DRGX: variants seen among roughly 807,000 people sequenced by gnomAD.
The protein encoded by DRGX is dorsal root ganglia homeobox.
A neutral mutation model predicts 28.6 loss-of-function variants in DRGX; 21 were observed. The ratio of observed to expected loss-of-function variants is 0.73; its 90% CI spans 0.52 to 1.06. DRGX has a LOEUF of 1.06. Among genes scored for constraint, DRGX ranks in the 50% least tolerant of loss-of-function variants. The pLI is 0.00. For missense variants in DRGX, 354 were observed against 343.9 expected, an observed-to-expected ratio of 1.03 and a Z score of -0.23; for synonymous variants, 136 against 139.1, an observed-to-expected ratio of 0.98 and a Z score of 0.16.
chr10:49,368,436 C>T (rs1849621668), intron 6 of DRGX, among the ~76,000 whole-genome samples: 3 of 152,264 alleles, frequency 2.0e-5, no homozygotes, highest in Admixed American at 2.0e-4. Flanking sequence ...CGCTGGCCTC[C>T]AGCCTGTCAT....
chr10:49,385,661 T>C (rs1178421789), intron 6 of DRGX, among the ~76,000 whole-genome samples: 2 of 151,862 alleles, frequency 1.3e-5, no homozygotes, highest in Non-Finnish European at 2.9e-5. Flanking sequence ...TAGCAGAACA[T>C]GCAGGGGACA....
At position 49,366,468 on chromosome 10, in the gene DRGX, G is replaced by A. The variant is rs372695489; in HGVS notation, c.527-87C>T. 2.9e-5 allele frequency: 43 copies of A among 1,500,906 alleles called. No individual in the cohort carries two copies. The South Asian group carries it at 5.3e-4, about 18-fold the overall frequency. 93.0% of individuals were successfully genotyped at this position (1,500,906 alleles called of 1,614,324 possible). A position where few individuals can be genotyped will look rare whatever the true frequency, so the allele number is the denominator to read the frequency against. On this transcript the variant is annotated intron_variant, in intron 6 of 6. Coordinates refer to ENST00000374139, the MANE Select transcript of DRGX (RefSeq NM_001276451.2). Reference sequence around the variant, plus strand: ...GACAGGAAACGATCTGAGTTCTGAAGGACAGAAAGATTGATTCCCTCTGGT... The same window carrying A: ...GACAGGAAACGATCTGAGTTCTGAAAGACAGAAAGATTGATTCCCTCTGGT...
intron 2 of DRGX, among the ~76,000 whole-genome samples, chr10:49,392,202 C>A (rs1849913978): frequency 6.6e-6 from 1 of 152,244 alleles, no homozygotes; most frequent in Non-Finnish European, 1.5e-5. Context: ...CTGCCATGGG[C>A]TCTGTTCTCA....
intron 6 of DRGX, among the ~76,000 whole-genome samples, chr10:49,381,688 G>A (rs1237183700): frequency 2.0e-5 from 3 of 152,222 alleles, no homozygotes; most frequent in Non-Finnish European, 2.9e-5. Flanking sequence ...TTGCCCTGGG[G>A]CATTGGGAAC....
rs142019370 is a variant in DRGX at position 49,390,087 on chromosome 10, G to T, written c.234+46C>A. 1.4e-4 allele frequency: 222 copies of T among 1,534,292 alleles called. No individual in the cohort carries two copies. In the African/African-American group the frequency reaches 2.9e-3, roughly 20 times the overall value. On this transcript the variant is annotated intron_variant, in intron 4 of 6. Transcript: ENST00000374139. ...CAGTCATGATGTCAAAAAAAAGTTT[G>T]CCAGTTTTAATATTAGAGAGTTAAA...
intron 6 of DRGX, among the ~76,000 whole-genome samples, chr10:49,380,518 C>T (rs996583004): frequency 1.3e-5 from 2 of 152,212 alleles, no homozygotes; most frequent in Admixed American, 6.5e-5. Context: ...TCATGTTAGT[C>T]CTCCCTGCAC....
At chr10:49,373,396 T>C (rs1692050931) in intron 6 of DRGX, among the ~76,000 whole-genome samples, 1 of 152,226 alleles carries the variant, frequency 6.6e-6, no homozygotes, top group African/African-American at 2.4e-5. Context: ...TTTTGGAATA[T>C]ATATGCGTGT....
chr10:49,380,725 A>G (rs908492256), intron 6 of DRGX, among the ~76,000 whole-genome samples: 7 of 152,234 alleles, frequency 4.6e-5, no homozygotes, highest in African/African-American at 1.4e-4. Context: ...GATTACAAGG[A>G]AAAGGTAAAT....
rs1324178053 is a variant in DRGX at position 49,386,677 on chromosome 10, C to T, written c.413+3G>A. ...CACCGGGCCCAGAGACCCACAGCCT[C>T]ACCTCTGCTGGGCCTCCAGCGCCTC... On this transcript the variant is annotated splice_donor_region_variant and intron_variant, in intron 5 of 6. Transcript: ENST00000374139. The T allele has an allele frequency of 1.9e-6, 3 of 1,575,746 alleles. No individual in the cohort carries two copies. Among genetic ancestry groups the T allele is most frequent in the Non-Finnish European group, 8.6e-7 (1 of 1,161,438 alleles).
intron 6 of DRGX, among the ~76,000 whole-genome samples, chr10:49,383,963 A>G (rs1235843869): frequency 6.6e-6 from 1 of 152,270 alleles, no homozygotes; most frequent in African/African-American, 2.4e-5. Context: ...GCTACTCTGG[A>G]AAATGCAGCA....
intron 3 of DRGX, 134 bp from the exon 4 acceptor site, chr10:49,390,368 G>A: frequency 1.3e-6 from 1 of 756,898 alleles, no homozygotes; most frequent in Non-Finnish European, 2.1e-6. Flanking sequence ...AGGGAGAAGA[G>A]AGCTCTTTGG....
chr10:49,395,390 G>A lies in DRGX; in HGVS notation c.34+17C>T. 6.5e-7 allele frequency: 1 copy of A among 1,550,016 alleles called. No homozygotes were observed. The highest frequency in any genetic ancestry group is 2.4e-5 in the East Asian group (1 of 40,902). On this transcript the variant is annotated intron_variant, in intron 2 of 6. Coordinates refer to ENST00000374139, the MANE Select transcript of DRGX (RefSeq NM_001276451.2). The stretch of plus-strand genomic sequence containing the variant: ...GCTCTGGCTTCATGGAGACCCTGGG[G>A]CGCAGCGCTTACTTACCCTCTAGCT...
At position 49,391,191 on chromosome 10, in the gene DRGX, C is replaced by T; in HGVS notation, c.105G>A (p.Arg35=). Residue 35 remains arginine (R), a synonymous_variant, in exon 3 of 7, where the codon CGG becomes CGA. Transcript: ENST00000374139. ...DDGFLRRKQR[R]NRTTFTLQQL... is the part of the protein sequence containing the mutation. ...GCTGAAGAGTGAACGTCGTCCGGTT[C>T]CGGCGCTGTTTTCTACGCAGAAACC... The T allele has an allele frequency of 6.2e-7, 1 of 1,613,256 alleles. No individual in the cohort carries two copies. The highest frequency in any genetic ancestry group is 8.5e-7 in the Non-Finnish European group (1 of 1,179,660).
chr10:49,366,415 G>A lies in DRGX; in HGVS notation c.527-34C>T, dbSNP rs926432631. On this transcript the variant is annotated intron_variant, in intron 6 of 6. Transcript: ENST00000374139. ...GGAAAAACAACAGGCTCCCATCACT[G>A]TCTACTTTCTGCCTCTCAGGGCTGG... is the stretch of plus-strand genomic sequence containing the variant. The A allele has an allele frequency of 3.2e-6, 5 of 1,563,294 alleles. No individual in the cohort carries two copies. In the African/African-American group the frequency reaches 6.8e-5, roughly 21 times the overall value.
At chr10:49,374,464 C>G (rs1192116387) in intron 6 of DRGX, among the ~76,000 whole-genome samples, 1 of 152,224 alleles carries the variant, frequency 6.6e-6, no homozygotes, top group Non-Finnish European at 1.5e-5. Flanking sequence ...CTTCCTCCCC[C>G]TGGCAGGCTT....
intron 2 of DRGX, chr10:49,391,967 C>T (rs1423145099): frequency 2.2e-6 from 1 of 447,034 alleles, no homozygotes; most frequent in Non-Finnish European, 4.6e-6. Flanking sequence ...GGGCACCCCA[C>T]CCTCTGGCCA....
At chr10:49,393,960 T>G (rs1386665784) in intron 2 of DRGX, among the ~76,000 whole-genome samples, 1 of 152,136 alleles carries the variant, frequency 6.6e-6, no homozygotes, top group East Asian at 1.9e-4. Flanking sequence ...TGCCCAAACT[T>G]CTGCCTTACC....
At position 49,372,797 on chromosome 10, in the gene DRGX, G is replaced by A. The variant is rs111967305; in HGVS notation, c.527-6416C>T. Among the ~76,000 whole-genome samples, 1,190 of 152,302 alleles carry A rather than the reference G, an allele frequency of 7.8e-3. 7 individuals carry two copies. Among genetic ancestry groups the A allele is most frequent in the East Asian group, 0.044 (230 of 5,182 alleles). ...GCCTACCCTGCCATTGGCACAAGCC[G>A]TACACTTTTTCACAGCTGTATTTTT... On this transcript the variant is annotated intron_variant, in intron 6 of 6. Transcript: ENST00000374139.
At chr10:49,389,790 G>A (rs1038891795) in intron 4 of DRGX, among the ~76,000 whole-genome samples, 18 of 151,832 alleles carry the variant, frequency 1.2e-4, no homozygotes, top group Admixed American at 3.9e-4. Flanking sequence ...ACCCCAGAGC[G>A]GTCAGAGCTG....
Sources: allele counts gnomAD v4.1 joint callset (sites outside exome capture counted in the v4.1 genomes callset), GRCh38; gene constraint gnomAD v4.1.1; transcripts MANE v1.5; gene names NCBI Gene and HGNC (gene_info 2026-07-23, HGNC 2026-07-21).